Variants in MFAP3L observed in about 807,000 individuals in gnomAD.
The protein encoded by MFAP3L is microfibrillar-associated protein 3-like.
Under a neutral mutation model 20.0 loss-of-function variants are expected in MFAP3L, and 5 were observed. The ratio of observed to expected loss-of-function variants is 0.25; its 90% confidence interval spans 0.13 to 0.53. The LOEUF is 0.53. Ranked by LOEUF, MFAP3L falls within the 20% of genes least tolerant of loss-of-function variation. The pLI is 0.96. For synonymous variants in MFAP3L, 219 were observed against 213.0 expected (o/e 1.03, Z -0.25); for missense variants, 409 against 527.5 (o/e 0.78, Z 2.20).
intron 2 of MFAP3L, among the ~76,000 whole-genome samples, chr4:170,000,196 T>A (rs1021266837): frequency 6.6e-6 from 1 of 152,232 alleles, no homozygotes; most frequent in Non-Finnish European, 1.5e-5. Flanking sequence ...GCAGAAGTGA[T>A]GCACCAGGAA....
At position 169,991,936 on chromosome 4, in the gene MFAP3L, C is replaced by G; in HGVS notation, c.672G>C (p.Gln224His). 6.2e-7 allele frequency: 1 copy of G among 1,614,182 alleles called. No individual in the cohort carries two copies. Among genetic ancestry groups the G allele is most frequent in the Non-Finnish European group, 8.5e-7 (1 of 1,180,030 alleles). Residue 224 changes from glutamine (Q) to histidine (H), a missense_variant, in exon 3 of 3, where the codon CAG becomes CAC. Physicochemically the swap from Gln to His is conservative, Grantham distance 24 (BLOSUM62 0). This residue lies in a region of MFAP3L where 127 missense variants were observed against 218.1 expected (regional missense o/e 0.58). Transcript: ENST00000361618. This position sits in a 1 kb window ranked among gnomAD's most constrained non-coding sequence, Gnocchi z 4.9. ...AGCGGGCGAACTCCATGGTTTTGAACTGGGTGACTTTGGCAAGCTCTAGAG... is the reference window on the plus strand; with the variant it reads ...AGCGGGCGAACTCCATGGTTTTGAAGTGGGTGACTTTGGCAAGCTCTAGAG... ...AKTLELAKVT[Q>H]FKTMEFARYI...
intron 2 of MFAP3L, among the ~76,000 whole-genome samples, chr4:169,999,217 G>C (rs994842590): frequency 6.6e-6 from 1 of 152,182 alleles, no homozygotes; most frequent in Non-Finnish European, 1.5e-5. Context: ...TCTTCAGAGA[G>C]GACTAGGGCA....
Position 169,990,465 on chromosome 4 carries a change from T to C in MFAP3L, c.*913A>G, listed in dbSNP as rs914106856. 2 of 152,628 alleles carry C rather than the reference T, an allele frequency of 1.3e-5. No homozygotes were observed. Among genetic ancestry groups the C allele is most frequent in the African/African-American group, 2.4e-5 (1 of 41,454 alleles). 9.5% of individuals were successfully genotyped at this position (152,628 alleles called of 1,614,324 possible). ...TGATGTCTTTGGAAGCAATATATTT[T>C]CCAGGTAAAGAATCAGTCTTTATTT... is the stretch of plus-strand genomic sequence containing the variant. On this transcript the variant is annotated 3_prime_UTR_variant, in exon 3 of 3. Transcript: ENST00000361618.
chr4:169,998,136 C>A (rs72972939), intron 2 of MFAP3L, among the ~76,000 whole-genome samples: 3,463 of 152,352 alleles, frequency 0.023, 124 homozygotes, highest in African/African-American at 0.075. Flanking sequence ...GGGTTCCACA[C>A]CGGGAAGGCA....
chr4:170,001,521 GCTGA>G (rs775660662), intron 2 of MFAP3L, among the ~76,000 whole-genome samples: 3 of 152,168 alleles, frequency 2.0e-5, no homozygotes, highest in Admixed American at 6.5e-5. Context: ...GCTGAAACCA[GCTGA>G]CTTTCTTGAA....
chr4:170,023,709 A>G (rs541939062), intron 1 of MFAP3L, among the ~76,000 whole-genome samples: 2 of 152,242 alleles, frequency 1.3e-5, no homozygotes, highest in Non-Finnish European at 2.9e-5. Context: ...TGATTTCTAA[A>G]TTCCAAAAAC....
At position 170,011,065 on chromosome 4, in the gene MFAP3L, G is replaced by A. The variant is rs537205507; in HGVS notation, c.-133-5055C>T. Among the ~76,000 whole-genome samples, 44 of 152,306 alleles carry A rather than the reference G, an allele frequency of 2.9e-4. 1 individual carries two copies. In the South Asian group the frequency reaches 2.9e-3, roughly 10 times the overall value. On this transcript the variant is annotated intron_variant, in intron 1 of 2. Coordinates refer to ENST00000361618, the MANE Select transcript of MFAP3L (RefSeq NM_021647.8). Reference sequence around the variant, plus strand: ...AGATCTAACGGTTTTATAAATGGGAGTTCTCCTGCACAAGCTCTTTTCTTG... The same window carrying A: ...AGATCTAACGGTTTTATAAATGGGAATTCTCCTGCACAAGCTCTTTTCTTG...
At chr4:170,022,484 T>C (rs993181093) in intron 1 of MFAP3L, among the ~76,000 whole-genome samples, 1 of 152,220 alleles carries the variant, frequency 6.6e-6, no homozygotes, top group Non-Finnish European at 1.5e-5. Flanking sequence ...CCTCCTGCCC[T>C]TGCCTATTAG....
intron 2 of MFAP3L, chr4:169,994,437 A>G: frequency 3.0e-6 from 3 of 984,580 alleles, no homozygotes; most frequent in Non-Finnish European, 2.4e-6. Context: ...AACCTAAGTT[A>G]CAACTTTAGT....
intron 1 of MFAP3L, among the ~76,000 whole-genome samples, chr4:170,020,732 A>T (rs1739984922): frequency 6.6e-6 from 1 of 150,582 alleles, no homozygotes; most frequent in Admixed American, 6.6e-5. Flanking sequence ...TCCCCACGGC[A>T]CCACCTCCAG....
chr4:169,996,105 G>A (rs1168336898), intron 2 of MFAP3L, among the ~76,000 whole-genome samples: 2 of 146,164 alleles, frequency 1.4e-5, no homozygotes, highest in Non-Finnish European at 3.0e-5. Context: ...AGGCTAAAAT[G>A]CTCACACACG....
intron 1 of MFAP3L, among the ~76,000 whole-genome samples, chr4:170,025,695 G>A (rs750381579): frequency 2.0e-5 from 3 of 152,220 alleles, no homozygotes; most frequent in Non-Finnish European, 2.9e-5. Flanking sequence ...GACAAACTCC[G>A]AGAGCTTCAG....
At position 170,001,840 on chromosome 4, in the gene MFAP3L, C is replaced by T. The variant is rs1054039541; in HGVS notation, c.298+3740G>A. ...AGATCACACATTAGCCTCTCCTGAT[C>T]CTGTGGAATTGAAGTGACAGCACCA... On this transcript the variant is annotated intron_variant, in intron 2 of 2. Coordinates refer to ENST00000361618, the MANE Select transcript of MFAP3L (RefSeq NM_021647.8). 10 of 791,462 alleles carry T rather than the reference C, an allele frequency of 1.3e-5. No individual in the cohort carries two copies. The East Asian group carries it at 6.4e-4, about 50-fold the overall frequency. The allele number at this position is 791,462 out of a possible 1,614,324, so 49.0% of individuals were successfully genotyped here.
rs746227083 is a variant in MFAP3L at position 169,991,533 on chromosome 4, G to C, written c.1075C>G (p.Pro359Ala). Residue 359 changes from proline to alanine, a missense_variant, in exon 3 of 3, where the codon CCT becomes GCT. By Grantham distance (27) the Pro-to-Ala change is conservative. This residue lies in a region of MFAP3L where 169 missense variants were observed against 178.2 expected (regional missense o/e 0.95). Transcript: ENST00000361618. This position sits in a 1 kb window ranked among gnomAD's most constrained non-coding sequence, Gnocchi z 4.9. Reference sequence around the variant, plus strand: ...TCGGTGGACGTGACATCGGTAGAAGGTTCTGCAGTTTCGGGGGAATGTTCC... The same window carrying C: ...TCGGTGGACGTGACATCGGTAGAAGCTTCTGCAGTTTCGGGGGAATGTTCC... ...SAEHSPETAE[P>A]STDVTSTELT... is the part of the protein sequence containing the mutation. 22 of 1,614,106 alleles carry C rather than the reference G, an allele frequency of 1.4e-5. No individual in the cohort carries two copies. In the Admixed American group the frequency reaches 3.0e-4, roughly 22 times the overall value.
At chr4:170,008,846 G>C (rs184720162) in intron 1 of MFAP3L, among the ~76,000 whole-genome samples, 2 of 152,224 alleles carry the variant, frequency 1.3e-5, no homozygotes, top group East Asian at 3.9e-4. Flanking sequence ...GACAGCTCCT[G>C]GATAGCAAAA....
Position 170,005,598 on chromosome 4 carries a change from C to G in MFAP3L, c.280G>C (p.Glu94Gln). 2 of 1,614,158 alleles carry G rather than the reference C, an allele frequency of 1.2e-6. No homozygotes were observed. Among genetic ancestry groups the G allele is most frequent in the Non-Finnish European group, 1.7e-6 (2 of 1,179,998 alleles). ...IGKLLKEEEDEKERGGGKWQM... is the reference protein window; with the variant it reads ...IGKLLKEEEDQKERGGGKWQM... ...AGCCTACCTCCTCCTCTCTCCTTCT[C>G]ATCCTCTTCTTCTTTCAGCAGCTTG... Residue 94 changes from glutamate (E) to glutamine (Q), a missense_variant, in exon 2 of 3, where the codon GAG becomes CAG. Coordinates refer to ENST00000361618, the MANE Select transcript of MFAP3L (RefSeq NM_021647.8).
chr4:169,996,252 C>T (rs79458138), intron 2 of MFAP3L, among the ~76,000 whole-genome samples: 4,767 of 146,294 alleles, frequency 0.033, 257 homozygotes, highest in African/African-American at 0.13. Flanking sequence ...CTGAGCTGTA[C>T]TGCAGGGCAT....
rs563546136 is a variant in MFAP3L, at chr4:170,020,713, C to T, written c.-134+5521G>A. Among the ~76,000 whole-genome samples the T allele has an allele frequency of 1.1e-3, 170 of 150,840 alleles. 1 individual carries two copies. Among genetic ancestry groups the T allele is most frequent in the African/African-American group, 3.9e-3 (162 of 41,022 alleles). On this transcript the variant is annotated intron_variant, in intron 1 of 2. Transcript: ENST00000361618. Reference sequence around the variant, plus strand: ...CCCAGCAAGTTCTCTTTCCTCAACTCCCAGTAGTTCCCCACGGCACCACCT... The same window carrying T: ...CCCAGCAAGTTCTCTTTCCTCAACTTCCAGTAGTTCCCCACGGCACCACCT...
In MFAP3L at chr4:169,988,716, A is replaced by T. The variant is rs1026270277; in HGVS notation, c.*2662T>A. On this transcript the variant is annotated 3_prime_UTR_variant, in exon 3 of 3. Coordinates refer to ENST00000361618, the MANE Select transcript of MFAP3L (RefSeq NM_021647.8). ...ATAGGAAGAGTGTAGCATTTTTGGA[A>T]GGAGAAATTCCCATTTTAAGTCAAC... 1.3e-5 allele frequency: 2 copies of T among 152,202 alleles called. No individual in the cohort carries two copies. Among genetic ancestry groups the T allele is most frequent in the African/African-American group, 4.8e-5 (2 of 41,466 alleles). The allele number at this position is 152,202 out of a possible 1,614,324, so 9.4% of individuals were successfully genotyped here. A position where few individuals can be genotyped will look rare whatever the true frequency, so the allele number is the denominator to read the frequency against.
Sources: allele counts gnomAD v4.1 joint callset (sites outside exome capture counted in the v4.1 genomes callset), GRCh38; gene constraint gnomAD v4.1.1; regional missense constraint gnomAD v4.1.1; non-coding constraint Gnocchi (gnomAD v3.1); transcripts MANE v1.5; gene names NCBI Gene and HGNC (gene_info 2026-07-23, HGNC 2026-07-21).